Variants in TBPL1 observed in about 807,000 individuals in gnomAD.
TBPL1 encodes TATA box-binding protein-like 1.
TBPL1 carries 4 observed loss-of-function variants against 22.1 expected under a neutral mutation model. The observed-to-expected ratio is 0.18, with a 90% confidence interval of 0.09 to 0.41. The LOEUF (loss-of-function observed/expected upper bound fraction) is 0.41, where lower values mean the gene tolerates loss of function less well. Ranked by LOEUF, TBPL1 falls within the 10% of genes least tolerant of loss-of-function variation. The pLI, the probability that TBPL1 is intolerant of heterozygous loss-of-function variation, is 1.00. For synonymous variants in TBPL1, 64 were observed against 71.0 expected, an observed-to-expected ratio of 0.90 and a Z score of 0.50; for missense variants, 115 against 222.3, an observed-to-expected ratio of 0.52 and a Z score of 3.07.
intron 1 of TBPL1, among the ~76,000 whole-genome samples, chr6:133,955,790 T>TA (rs912930554): frequency 2.0e-5 from 3 of 152,206 alleles, no homozygotes; most frequent in Admixed American, 2.0e-4. Flanking sequence ...ATTCTTATTC[T>TA]AAAAAAATTA....
intron 1 of TBPL1, among the ~76,000 whole-genome samples, chr6:133,960,686 G>A (rs563015815): frequency 2.1e-3 from 313 of 152,194 alleles, no homozygotes; most frequent in African/African-American, 7.3e-3. Flanking sequence ...TTTGGGTATA[G>A]AGGAAAAATG....
Position 133,985,059 on chromosome 6 carries a change from C to G in TBPL1, c.481+388C>G, listed in dbSNP as rs372378847. On this transcript the variant is annotated intron_variant, in intron 6 of 6. Coordinates refer to ENST00000237264, the MANE Select transcript of TBPL1 (RefSeq NM_004865.4). ...ACTTGGAAGGCTGAGGCGGGCTTATCACAAGGTCAAGAGATCAAGACCATC... is the reference window on the plus strand; with the variant it reads ...ACTTGGAAGGCTGAGGCGGGCTTATGACAAGGTCAAGAGATCAAGACCATC... Among the ~76,000 whole-genome samples the G allele has an allele frequency of 7.0e-4, 106 of 151,634 alleles. No homozygotes were observed. In the South Asian group the frequency reaches 8.6e-3, roughly 12 times the overall value.
chr6:133,952,214 C>T (rs561611050), upstream of TBPL1: 2 of 152,288 alleles, frequency 1.3e-5, no homozygotes, highest in Non-Finnish European at 2.9e-5. This position sits in a 1 kb window ranked among gnomAD's most constrained non-coding sequence, Gnocchi z 4.5. Context: ...CCTCTCAGGC[C>T]ACTCCCGAGG....
intron 1 of TBPL1, among the ~76,000 whole-genome samples, chr6:133,978,747 G>GCC (rs1292933950): frequency 1.3e-5 from 2 of 152,246 alleles, no homozygotes; most frequent in African/African-American, 4.8e-5. Flanking sequence ...GGTCTGGTTT[G>GCC]CCACTGTGTT....
At position 133,987,062 on chromosome 6, in the gene TBPL1, ATC is replaced by A. The variant is rs1562669734; in HGVS notation, c.*26_*27del. 1 of 1,562,264 alleles carries A rather than the reference ATC, an allele frequency of 6.4e-7. No homozygotes were observed. ...ATAATTCACCACTTAATTGGTTAGA[ATC>A]TCTAACTGAGCACCTTTTAAACCTG... is the stretch of plus-strand genomic sequence containing the variant. On this transcript the variant is annotated 3_prime_UTR_variant, in exon 7 of 7. Coordinates refer to ENST00000237264, the MANE Select transcript of TBPL1 (RefSeq NM_004865.4).
chr6:133,973,046 T>C (rs1298317754), intron 1 of TBPL1, among the ~76,000 whole-genome samples: 2 of 152,206 alleles, frequency 1.3e-5, no homozygotes, highest in Non-Finnish European at 2.9e-5. Context: ...AGAACATCGT[T>C]CTAAAAGGCA....
chr6:133,975,340 T>C (rs1340052093), intron 1 of TBPL1, among the ~76,000 whole-genome samples: 1 of 152,022 alleles, frequency 6.6e-6, no homozygotes, highest in African/African-American at 2.4e-5. Context: ...TTAAGCAAAA[T>C]AGACTTGAAG....
chr6:133,974,519 G>A (rs895613490), intron 1 of TBPL1, among the ~76,000 whole-genome samples: 1 of 152,104 alleles, frequency 6.6e-6, no homozygotes, highest in Non-Finnish European at 1.5e-5. Flanking sequence ...TTTTTAGACG[G>A]GGTTTCACCG....
At chr6:133,969,802 A>G (rs771504837) in intron 1 of TBPL1, among the ~76,000 whole-genome samples, 13 of 152,238 alleles carry the variant, frequency 8.5e-5, no homozygotes, top group Non-Finnish European at 1.6e-4. Context: ...ACACAAATGC[A>G]TGCTGAAGGG....
Position 133,987,130 on chromosome 6 carries a change from T to C in TBPL1, c.*90T>C, listed in dbSNP as rs1776541550. 5.1e-6 allele frequency: 4 copies of C among 785,364 alleles called. No individual in the cohort carries two copies. In the African/African-American group the frequency reaches 5.3e-5, roughly 10 times the overall value. The allele number at this position is 785,364 out of a possible 1,614,324, so 48.6% of individuals were successfully genotyped here. On this transcript the variant is annotated 3_prime_UTR_variant, in exon 7 of 7. Coordinates refer to ENST00000237264, the MANE Select transcript of TBPL1 (RefSeq NM_004865.4). ...AAAAGGAAAACTGGACCAACAATAA[T>C]TGAGGAAATAGACTCTTTTATTCAT...
intron 1 of TBPL1, among the ~76,000 whole-genome samples, chr6:133,979,036 T>C (rs964491401): frequency 6.6e-6 from 1 of 152,164 alleles, no homozygotes; most frequent in African/African-American, 2.4e-5. Context: ...TAGTAAAAAC[T>C]GGGGCTTGTT....
rs185551211 is a variant in TBPL1, at chr6:133,979,812, A to C, written c.-44-270A>C. On this transcript the variant is annotated intron_variant, in intron 1 of 6. Coordinates refer to ENST00000237264, the MANE Select transcript of TBPL1 (RefSeq NM_004865.4). Reference sequence around the variant, plus strand: ...CAGACATGCACCATCATGCCCGGCTAATTTTTGTATTTTTAGTAGAGACCA... The same window carrying C: ...CAGACATGCACCATCATGCCCGGCTCATTTTTGTATTTTTAGTAGAGACCA... Among the ~76,000 whole-genome samples, 748 of 151,996 alleles carry C rather than the reference A, an allele frequency of 4.9e-3. 9 individuals are homozygous for C. The highest frequency in any genetic ancestry group is 0.017 in the African/African-American group (709 of 41,450).
intron 6 of TBPL1, 40 bp from the exon 7 acceptor site, chr6:133,986,921 C>T: frequency 6.9e-7 from 1 of 1,441,438 alleles, no homozygotes; most frequent in Non-Finnish European, 9.5e-7. Flanking sequence ...GCTCCCTTTT[C>T]CAACTCTTCT....
chr6:133,986,235 CA>C (rs1776520294), intron 6 of TBPL1, among the ~76,000 whole-genome samples: 1 of 152,072 alleles, frequency 6.6e-6, no homozygotes, highest in Non-Finnish European at 1.5e-5. Context: ...CTGGGTCTTT[CA>C]AAAGAGGTTA....
In TBPL1 at chr6:133,987,648, G is replaced by A. The variant is rs57298113; in HGVS notation, c.*608G>A. 0.063 allele frequency: 5,553 copies of A among 88,034 alleles called. 324 individuals are homozygous for A. The highest frequency in any genetic ancestry group is 0.18 in the African/African-American group (4,874 of 27,300). The allele number at this position is 88,034 out of a possible 1,614,324, so 5.5% of individuals were successfully genotyped here. A position where few individuals can be genotyped will look rare whatever the true frequency, so the allele number is the denominator to read the frequency against. ...TTTGTGTGTGTGTGTGTGTGTGTGT[G>A]TATATATATATATATATATGCACCA... On this transcript the variant is annotated 3_prime_UTR_variant, in exon 7 of 7. Coordinates refer to ENST00000237264, the MANE Select transcript of TBPL1 (RefSeq NM_004865.4).
At chr6:133,955,041 A>G (rs1775903227) in intron 1 of TBPL1, among the ~76,000 whole-genome samples, 1 of 152,176 alleles carries the variant, frequency 6.6e-6, no homozygotes, top group African/African-American at 2.4e-5. Flanking sequence ...ATTTTAAGAC[A>G]TTAAGAAGAA....
intron 1 of TBPL1, among the ~76,000 whole-genome samples, chr6:133,955,891 A>G (rs1432022143): frequency 6.6e-6 from 1 of 152,254 alleles, no homozygotes; most frequent in Non-Finnish European, 1.5e-5. Context: ...TAACATAGAA[A>G]ATTGTCACAT....
At chr6:133,957,210 T>A (rs990324751) in intron 1 of TBPL1, among the ~76,000 whole-genome samples, 3 of 152,212 alleles carry the variant, frequency 2.0e-5, no homozygotes, top group African/African-American at 7.2e-5. Flanking sequence ...GTAGTGGAGA[T>A]GTGCCTTTGT....
chr6:133,953,650 G>T (rs1775876887), intron 1 of TBPL1, among the ~76,000 whole-genome samples: 1 of 152,090 alleles, frequency 6.6e-6, no homozygotes, highest in South Asian at 2.1e-4. Context: ...GATATTTGGG[G>T]ATCTCTTTAG....
Sources: allele counts gnomAD v4.1 joint callset (sites outside exome capture counted in the v4.1 genomes callset), GRCh38; gene constraint gnomAD v4.1.1; non-coding constraint Gnocchi (gnomAD v3.1); transcripts MANE v1.5; gene names NCBI Gene and HGNC (gene_info 2026-07-23, HGNC 2026-07-21).